Variants in CXADR observed in about 807,000 individuals in gnomAD.
The protein encoded by CXADR is coxsackievirus and adenovirus receptor.
CXADR carries 20 observed loss-of-function variants against 40.3 expected under a neutral mutation model. The ratio of observed to expected loss-of-function variants is 0.50; its 90% CI spans 0.35 to 0.72. CXADR has a LOEUF of 0.72. CXADR is among the 30% of genes least tolerant of loss of function. The probability of loss-of-function intolerance (pLI) is 0.01; values close to 1 mark genes in which losing one functional copy is unlikely to be tolerated. For missense variants in CXADR, 332 were observed against 449.1 expected, an observed-to-expected ratio of 0.74 and a Z score of 2.36; for synonymous variants, 150 against 161.3, an observed-to-expected ratio of 0.93 and a Z score of 0.53.
chr21:17,584,394 G>A (rs760017477), intron 7 of CXADR, among the ~76,000 whole-genome samples: 9 of 152,240 alleles, frequency 5.9e-5, no homozygotes, highest in Non-Finnish European at 1.2e-4. Flanking sequence ...GCGTATTGTA[G>A]TGCAGGGTGG....
At chr21:17,620,727 A>G in the CXADR span, among the ~76,000 whole-genome samples, 3 of 152,238 alleles carry the variant, frequency 2.0e-5, no homozygotes, top group Non-Finnish European at 4.4e-5. Flanking sequence ...ACGTAAAAAA[A>G]AAACTGCTTG....
chr21:17,614,140 C>T, the CXADR span: 1 of 151,390 alleles, frequency 6.6e-6, no homozygotes, highest in African/African-American at 2.4e-5. Context: ...ACTTAGTCTA[C>T]TTACTGGTAC....
At chr21:17,606,813 A>T in the CXADR span, among the ~76,000 whole-genome samples, 3 of 152,168 alleles carry the variant, frequency 2.0e-5, no homozygotes, top group African/African-American at 4.8e-5. Context: ...GCAATTACAA[A>T]GTGTAAGAGA....
downstream of CXADR, among the ~76,000 whole-genome samples, chr21:17,572,748 A>G (rs2061289044): frequency 3.6e-5 from 2 of 55,134 alleles, no homozygotes; most frequent in Non-Finnish European, 1.1e-4. Flanking sequence ...GCAGACTTTT[A>G]GTGTGGTTGA....
the CXADR span, among the ~76,000 whole-genome samples, chr21:17,624,352 T>G: frequency 6.6e-6 from 1 of 152,226 alleles, no homozygotes; most frequent in Non-Finnish European, 1.5e-5. Flanking sequence ...CTGAACTGTC[T>G]TGGCTGTTTC....
chr21:17,532,393 A>G (rs2060689734), intron 1 of CXADR, among the ~76,000 whole-genome samples: 1 of 151,796 alleles, frequency 6.6e-6, no homozygotes, highest in Non-Finnish European at 1.5e-5. Context: ...CCTTGACCAC[A>G]TATCATACAC....
At chr21:17,586,056 T>C (rs1330159087) in intron 7 of CXADR, among the ~76,000 whole-genome samples, 1 of 152,178 alleles carries the variant, frequency 6.6e-6, no homozygotes, top group Non-Finnish European at 1.5e-5. Context: ...GAAAGGGAAA[T>C]CTGATGCCCT....
intron 2 of CXADR, among the ~76,000 whole-genome samples, chr21:17,548,505 T>C (rs2060926668): frequency 1.3e-5 from 2 of 152,194 alleles, no homozygotes; most frequent in Admixed American, 6.5e-5. Context: ...TCTCTCTCTC[T>C]GGAGGTGCTG....
At position 17,567,963 on chromosome 21, in the gene CXADR, C is replaced by T; in HGVS notation, c.*2271C>T. 1.0e-6 allele frequency: 1 copy of T among 984,364 alleles called. No homozygotes were observed. The highest frequency in any genetic ancestry group is 1.8e-5 in the African/African-American group (1 of 57,136). The allele number at this position is 984,364 out of a possible 1,614,324, so 61.0% of individuals were successfully genotyped here. ...AAGGCTTATGTCTCACTGTAAAATT[C>T]TGTCAGCCAAATAGTACCAATACGT... On this transcript the variant is annotated 3_prime_UTR_variant, in exon 7 of 7. Transcript: ENST00000284878.
chr21:17,532,430 C>G (rs2060690421), intron 1 of CXADR, among the ~76,000 whole-genome samples: 1 of 152,176 alleles, frequency 6.6e-6, no homozygotes, highest in African/African-American at 2.4e-5. Flanking sequence ...TCATCGAGAA[C>G]AAATTTCTCA....
At chr21:17,541,537 G>T (rs903293905) in intron 1 of CXADR, among the ~76,000 whole-genome samples, 1 of 151,276 alleles carries the variant, frequency 6.6e-6, no homozygotes, top group Non-Finnish European at 1.5e-5. Flanking sequence ...CAGCCCAGGC[G>T]TCAGAGCAAG....
At chr21:17,615,818 C>T in the CXADR span, among the ~76,000 whole-genome samples, 2 of 152,296 alleles carry the variant, frequency 1.3e-5, no homozygotes, top group East Asian at 3.9e-4. Context: ...TCACACACAT[C>T]CTGTGGTTGT....
At chr21:17,600,854 T>C in the CXADR span, among the ~76,000 whole-genome samples, 7 of 152,268 alleles carry the variant, frequency 4.6e-5, no homozygotes, top group African/African-American at 1.7e-4. Flanking sequence ...TATTCTTTTT[T>C]AGTTTACCTC....
intron 1 of CXADR, among the ~76,000 whole-genome samples, chr21:17,519,823 G>A (rs2060506494): frequency 6.6e-6 from 1 of 152,032 alleles, no homozygotes; most frequent in Non-Finnish European, 1.5e-5. Context: ...GCCAGGTGTG[G>A]TGATGTGCGT....
chr21:17,560,084 A>C (rs1043450682), intron 4 of CXADR, among the ~76,000 whole-genome samples: 9 of 151,876 alleles, frequency 5.9e-5, no homozygotes, highest in African/African-American at 1.9e-4. Context: ...ATAGTAATTT[A>C]CCCATGGTGT....
chr21:17,594,476 T>G (rs2061478107), downstream of CXADR: 7 of 957,376 alleles, frequency 7.3e-6, no homozygotes, highest in South Asian at 1.1e-4. Context: ...CTAAATACAT[T>G]AAAAACCTCA....
intron 7 of CXADR, among the ~76,000 whole-genome samples, chr21:17,592,079 G>A (rs1374693983): frequency 6.6e-6 from 1 of 151,932 alleles, no homozygotes; most frequent in Non-Finnish European, 1.5e-5. Context: ...AAAACTAGTG[G>A]TTTCCCCAAG....
chr21:17,619,368 A>G, the CXADR span, among the ~76,000 whole-genome samples: 2 of 152,196 alleles, frequency 1.3e-5, no homozygotes, highest in African/African-American at 4.8e-5. Flanking sequence ...CAAGACCAAC[A>G]GGAGTTCATG....
chr21:17,566,820 C>T lies in CXADR; in HGVS notation c.*1128C>T. On this transcript the variant is annotated 3_prime_UTR_variant, in exon 7 of 7. Transcript: ENST00000284878. ...GCAAGTTAAGTGTCCTCCATCAATTCTGTATTCCAGACTTGGGAGGATGTA... is the reference window on the plus strand; with the variant it reads ...GCAAGTTAAGTGTCCTCCATCAATTTTGTATTCCAGACTTGGGAGGATGTA... The T allele has an allele frequency of 1.0e-6, 1 of 971,522 alleles. No individual in the cohort carries two copies. Among genetic ancestry groups the T allele is most frequent in the Non-Finnish European group, 1.2e-6 (1 of 817,534 alleles). 60.2% of individuals were successfully genotyped at this position (971,522 alleles called of 1,614,324 possible). A position where few individuals can be genotyped will look rare whatever the true frequency, so the allele number is the denominator to read the frequency against.
Sources: allele counts gnomAD v4.1 joint callset (sites outside exome capture counted in the v4.1 genomes callset), GRCh38; gene constraint gnomAD v4.1.1; transcripts MANE v1.5; gene names NCBI Gene and HGNC (gene_info 2026-07-23, HGNC 2026-07-21).